The following ZNF516 variants were observed in gnomAD, a reference collection of about 807,000 sequenced individuals.
The protein encoded by ZNF516 is zinc finger protein 516.
Under a neutral mutation model 79.7 loss-of-function variants are expected in ZNF516, and 19 were observed. The observed-to-expected ratio is 0.24, with a 90% confidence interval of 0.17 to 0.35. The LOEUF (loss-of-function observed/expected upper bound fraction) is 0.35, where lower values mean the gene tolerates loss of function less well. ZNF516 is among the 10% of genes least tolerant of loss of function. ZNF516 has a pLI of 1.00. For synonymous variants in ZNF516, 877 were observed against 739.5 expected (o/e 1.19, Z -3.02); for missense variants, 1,678 against 1,679.5 (o/e 1.00, Z 0.02).
At chr18:76,492,256 G>A (rs1230222543) in intron 1 of ZNF516, 1 of 985,482 alleles carries the variant, frequency 1.0e-6, no homozygotes, top group Admixed American at 6.1e-5. Context: ...CTCAGGTCGG[G>A]TCCGTACGCT....
At chr18:76,483,257 A>AAGCCAGCAGACACG (rs1237371657) in intron 1 of ZNF516, among the ~76,000 whole-genome samples, 3 of 152,070 alleles carry the variant, frequency 2.0e-5, no homozygotes, top group Non-Finnish European at 2.9e-5. Context: ...GGGCAGACAC[A>AAGCCAGCAGACACG]GCTCAAGCCA....
intron 3 of ZNF516, among the ~76,000 whole-genome samples, chr18:76,435,178 CA>C (rs11366041): frequency 0.27 from 41,728 of 152,028 alleles, 7,042 homozygotes; most frequent in East Asian, 0.45. Context: ...CCTGGCAAAC[CA>C]AAATGTCTGC....
chr18:76,363,092 A>G (rs1279874468), intron 6 of ZNF516, among the ~76,000 whole-genome samples: 1 of 152,230 alleles, frequency 6.6e-6, no homozygotes, highest in African/African-American at 2.4e-5. Flanking sequence ...ACCAAGTTGG[A>G]AAAAGGGAAG....
chr18:76,454,822 AT>A (rs1049635213), intron 2 of ZNF516, among the ~76,000 whole-genome samples: 2 of 152,218 alleles, frequency 1.3e-5, no homozygotes, highest in East Asian at 3.8e-4. Flanking sequence ...CCCTGTAACA[AT>A]GTTGTTACAT....
At position 76,358,540 on chromosome 18, in the gene ZNF516, C is replaced by A. The variant is rs912796741; in HGVS notation, c.*3958G>T. 3 of 152,242 alleles carry A rather than the reference C, an allele frequency of 2.0e-5. No individual in the cohort carries two copies. Among genetic ancestry groups the A allele is most frequent in the African/African-American group, 7.2e-5 (3 of 41,462 alleles). 9.4% of individuals were successfully genotyped at this position (152,242 alleles called of 1,614,324 possible). The stretch of plus-strand genomic sequence containing the variant: ...TCCCACCAACCACGGCAAACAAAGG[C>A]GTCCTCCTCACTTGAAGTCCTGGCC... On this transcript the variant is annotated 3_prime_UTR_variant, in exon 7 of 7. Transcript: ENST00000443185.
chr18:76,492,751 C>T, intron 1 of ZNF516: 5 of 985,604 alleles, frequency 5.1e-6, no homozygotes, highest in Non-Finnish European at 6.0e-6. Context: ...TCTCCCCCTT[C>T]TGCAGGTTCC....
rs749835152 is a variant in ZNF516 at position 76,370,571 on chromosome 18, C to T, written c.3389G>A (p.Arg1130Gln). 2.6e-5 allele frequency: 41 copies of T among 1,605,724 alleles called. No homozygotes were observed. The highest frequency in any genetic ancestry group is 5.4e-5 in the African/African-American group (4 of 74,746). Residue 1130 changes from arginine (R) to glutamine (Q), a missense_variant, in exon 6 of 7, where the codon CGG becomes CAG. Arg to Gln is a conservative substitution (Grantham distance 43). Coordinates refer to ENST00000443185, the MANE Select transcript of ZNF516 (RefSeq NM_014643.4). ...HSVVFESDGP[R>Q]GSEVHTTSAD... ...GGAGGTGGTATGAACTTCAGAACCC[C>T]GAGGCCCATCGGACTCAAACACCAC...
intron 3 of ZNF516, among the ~76,000 whole-genome samples, chr18:76,413,984 C>A (rs994727351): frequency 6.6e-6 from 1 of 152,152 alleles, no homozygotes; most frequent in African/African-American, 2.4e-5. Context: ...TTTCATGTCA[C>A]TTTTTTTAAA....
At chr18:76,375,466 AGACCAGGTAGAGGATG>A in intron 4 of ZNF516, among the ~76,000 whole-genome samples, 2 of 152,066 alleles carry the variant, frequency 1.3e-5, no homozygotes, top group East Asian at 3.9e-4. Flanking sequence ...TAGGTCCCGG[AGACCAGGTAGAGGATG>A]GACAGGGAAA....
At position 76,441,422 on chromosome 18, in the gene ZNF516, C is replaced by A. The variant is rs1376920198; in HGVS notation, c.1633G>T (p.Asp545Tyr). ...RVHRRARRER[D>Y]SDGDRAARAR... ...CGCGCCGCCCTGTCCCCGTCACTGT[C>A]CCTCTCGCGGCGCGCGCGGCGATGC... The change falls in exon 3 of 7, where the codon GAC becomes TAC. Residue 545 changes from aspartate (D) to tyrosine (Y), a missense_variant. Physicochemically the swap from Asp to Tyr is radical, Grantham distance 160 (BLOSUM62 -3). Coordinates refer to ENST00000443185, the MANE Select transcript of ZNF516 (RefSeq NM_014643.4). 2 of 1,608,116 alleles carry A rather than the reference C, an allele frequency of 1.2e-6. No homozygotes were observed. Among genetic ancestry groups the A allele is most frequent in the Non-Finnish European group, 1.7e-6 (2 of 1,178,260 alleles).
chr18:76,486,634 G>C (rs1914848964), intron 1 of ZNF516, among the ~76,000 whole-genome samples: 1 of 151,072 alleles, frequency 6.6e-6, no homozygotes, highest in Admixed American at 6.6e-5. Context: ...GGCTGAGCCA[G>C]CACCAGCAAC....
chr18:76,444,794 G>A (rs1212890865), intron 2 of ZNF516, among the ~76,000 whole-genome samples: 3 of 152,182 alleles, frequency 2.0e-5, no homozygotes, highest in Non-Finnish European at 2.9e-5. Context: ...TTCAACTCCC[G>A]AGGGCCCAGA....
chr18:76,492,173 C>G lies in ZNF516; in HGVS notation c.-272+2971G>C, dbSNP rs142883219. On this transcript the variant is annotated intron_variant, in intron 1 of 6. Transcript: ENST00000443185. ...TGCATCATCCCCATCCCGGTGGGTA[C>G]AGAAGCGCAGCAACCCCGCGGTGCT... 48 of 985,418 alleles carry G rather than the reference C, an allele frequency of 4.9e-5. No individual in the cohort carries two copies. The East Asian group carries it at 5.1e-3, about 105-fold the overall frequency. The allele number at this position is 985,418 out of a possible 1,614,324, so 61.0% of individuals were successfully genotyped here. A position where few individuals can be genotyped will look rare whatever the true frequency, so the allele number is the denominator to read the frequency against.
intron 3 of ZNF516, among the ~76,000 whole-genome samples, chr18:76,399,958 G>C (rs1028333325): frequency 6.6e-6 from 1 of 152,186 alleles, no homozygotes; most frequent in African/African-American, 2.4e-5. Flanking sequence ...TGGTCTCCCA[G>C]TGGGGTGGTT....
chr18:76,447,253 T>G (rs1912109585), intron 2 of ZNF516, among the ~76,000 whole-genome samples: 1 of 152,206 alleles, frequency 6.6e-6, no homozygotes, highest in Non-Finnish European at 1.5e-5. Context: ...ATTAGGAGGA[T>G]TATTGGGACG....
At chr18:76,455,625 G>T (rs1207741190) in intron 2 of ZNF516, among the ~76,000 whole-genome samples, 1 of 152,200 alleles carries the variant, frequency 6.6e-6, no homozygotes, top group Non-Finnish European at 1.5e-5. Context: ...TATCACATCT[G>T]ATTCAAGAAA....
Position 76,380,269 on chromosome 18 carries a change from C to A in ZNF516, c.1845G>T (p.Glu615Asp). 1 of 1,613,782 alleles carries A rather than the reference C, an allele frequency of 6.2e-7. No homozygotes were observed. The highest frequency in any genetic ancestry group is 8.5e-7 in the Non-Finnish European group (1 of 1,179,806). The change falls in exon 4 of 7, where the codon GAG becomes GAT. Residue 615 changes from glutamate to aspartate, a missense_variant. Around this residue, in one of 5 missense-constraint regions of ZNF516, gnomAD observed 1,294 missense variants for 1,248.3 expected, o/e 1.04. Transcript: ENST00000443185. The stretch of plus-strand genomic sequence containing the variant: ...CACTGGAGAGCTCGGTCGAAGTCAC[C>A]TCTTCGGAAAAGCAGCAGCGGCGCG... ...GQPRRCCFSE[E>D]VTSTELSSGD...
chr18:76,488,443 T>C (rs900250623), intron 1 of ZNF516, among the ~76,000 whole-genome samples: 2 of 142,738 alleles, frequency 1.4e-5, no homozygotes, highest in African/African-American at 2.6e-5. Context: ...CCCCGAGCAG[T>C]GAACAAACCC....
intron 3 of ZNF516, among the ~76,000 whole-genome samples, chr18:76,417,163 G>A (rs745528424): frequency 6.6e-6 from 1 of 152,194 alleles, no homozygotes; most frequent in Non-Finnish European, 1.5e-5. Context: ...CGAATGCCTC[G>A]ATGCCGCAGC....
Sources: allele counts gnomAD v4.1 joint callset (sites outside exome capture counted in the v4.1 genomes callset), GRCh38; gene constraint gnomAD v4.1.1; regional missense constraint gnomAD v4.1.1; transcripts MANE v1.5; gene names NCBI Gene and HGNC (gene_info 2026-07-23, HGNC 2026-07-21).